MID1: variants seen among roughly 807,000 people sequenced by gnomAD.
The protein encoded by MID1 is E3 ubiquitin-protein ligase Midline-1.
MID1 carries 7 observed loss-of-function variants against 40.4 expected under a neutral mutation model. That is an observed-to-expected ratio of 0.17 (90% confidence interval 0.10 to 0.33). MID1 has a LOEUF of 0.33. Ranked by LOEUF, MID1 falls within the 10% of genes least tolerant of loss-of-function variation. The probability of loss-of-function intolerance (pLI) is 1.00; values close to 1 mark genes in which losing one functional copy is unlikely to be tolerated. For missense variants in MID1, 367 were observed against 558.5 expected, an observed-to-expected ratio of 0.66 and a Z score of 3.46; for synonymous variants, 229 against 221.2, an observed-to-expected ratio of 1.04 and a Z score of -0.31.
At chrX:10,683,380 C>T (rs2043071986) in intron 1 of MID1, among the ~76,000 whole-genome samples, 1 of 110,311 alleles carries the variant, frequency 9.1e-6, no homozygotes, top group Non-Finnish European at 1.9e-5. Flanking sequence ...CCTGTCTCTA[C>T]AAAAAAGTTT....
intron 1 of MID1, among the ~76,000 whole-genome samples, chrX:10,579,732 C>T (rs1244376269): frequency 9.1e-6 from 1 of 110,377 alleles, no homozygotes; most frequent in African/African-American, 3.3e-5. Context: ...TTAACTATTA[C>T]GAATAACATG....
chrX:10,458,560 C>G, intron 8 of MID1, among the ~76,000 whole-genome samples: 1 of 111,694 alleles, frequency 9.0e-6, no homozygotes. Context: ...GTGTACAGAA[C>G]TCTCTGTATT....
chrX:10,557,353 C>T (rs1189058978), intron 2 of MID1, among the ~76,000 whole-genome samples: 3 of 111,808 alleles, frequency 2.7e-5, no homozygotes, highest in East Asian at 2.8e-4. Context: ...TAAAAATTAC[C>T]GTAAAATCAT....
intron 1 of MID1, among the ~76,000 whole-genome samples, chrX:10,672,077 T>C (rs1043059286): frequency 1.8e-5 from 2 of 110,372 alleles, no homozygotes; most frequent in Non-Finnish European, 3.8e-5. Context: ...ATACAAAAAT[T>C]AGCTGAGCGT....
chrX:10,596,470 TAC>T (rs1339233371), intron 1 of MID1, among the ~76,000 whole-genome samples: 1 of 112,207 alleles, frequency 8.9e-6, no homozygotes, highest in Non-Finnish European at 1.9e-5. Flanking sequence ...TTTTAAAACA[TAC>T]AACAGTTCCA....
intron 2 of MID1, among the ~76,000 whole-genome samples, chrX:10,545,894 T>A (rs1024371351): frequency 8.9e-6 from 1 of 112,277 alleles, no homozygotes; most frequent in African/African-American, 3.2e-5. Context: ...GTTTTTTTTC[T>A]CCTTTAGCTC....
intron 4 of MID1, among the ~76,000 whole-genome samples, chrX:10,488,308 T>C (rs1930736200): frequency 9.0e-6 from 1 of 111,225 alleles, no homozygotes; most frequent in African/African-American, 3.3e-5. Context: ...TGTATGGACA[T>C]AGCTTTCCTT....
At chrX:10,483,121 T>G (rs1358341651) in intron 4 of MID1, among the ~76,000 whole-genome samples, 2 of 112,266 alleles carry the variant, frequency 1.8e-5, no homozygotes, top group Non-Finnish European at 3.8e-5. Flanking sequence ...ATGGAAAGCA[T>G]TAAGTGTTAC....
intron 5 of MID1, among the ~76,000 whole-genome samples, chrX:10,480,528 C>T (rs1366891377): frequency 1.8e-5 from 2 of 112,208 alleles, no homozygotes; most frequent in Non-Finnish European, 1.9e-5. Context: ...GGTTGGAAAC[C>T]GTGACCTAAG....
At chrX:10,465,214 TACACACACACACACACACACACAC>T (rs775197915) in intron 7 of MID1, among the ~76,000 whole-genome samples, 7 of 39,899 alleles carry the variant, frequency 1.8e-4, no homozygotes, top group Non-Finnish European at 2.9e-4. Flanking sequence ...TATATATATA[TACACACACACACACACACACACAC>T]ACACACACAC....
intron 1 of MID1, among the ~76,000 whole-genome samples, chrX:10,675,460 T>C (rs923862447): frequency 9.0e-6 from 1 of 111,060 alleles, no homozygotes; most frequent in African/African-American, 3.3e-5. Context: ...GCTTCTGGAC[T>C]TGTCCATCAC....
chrX:10,793,571 A>G (rs2043948044), intron 1 of MID1, among the ~76,000 whole-genome samples: 1 of 111,945 alleles, frequency 8.9e-6, no homozygotes. Context: ...CACATTTGCC[A>G]GAGAGATCTA....
At chrX:10,538,096 C>G (rs986834652) in intron 2 of MID1, among the ~76,000 whole-genome samples, 13 of 111,360 alleles carry the variant, frequency 1.2e-4, no homozygotes, top group African/African-American at 4.2e-4. Context: ...CTCAGCCTCC[C>G]CAAGTAGCTG....
At position 10,567,131 on chromosome X, in the gene MID1, T is replaced by C. The variant is rs1335960901; in HGVS notation, c.417A>G (p.Val139=). ...DAVKTCVTCE[V]SYCDECLKAT... ...CTTTCAGGCACTCGTCACAGTAGGA[T>C]ACTTCACAAGTGACACAGGTCTTCA... Residue 139 remains valine (V), a synonymous_variant, in exon 2 of 10, where the codon GTA becomes GTG. Transcript: ENST00000317552. 4.1e-6 allele frequency: 5 copies of C among 1,211,461 alleles called. No homozygotes were observed. In the East Asian group the frequency reaches 8.9e-5, roughly 21 times the overall value.
intron 1 of MID1, among the ~76,000 whole-genome samples, chrX:10,759,181 T>C (rs1278876618): frequency 8.9e-6 from 1 of 112,190 alleles, no homozygotes; most frequent in East Asian, 2.8e-4. Flanking sequence ...TGGAGATTTG[T>C]GATAAGATAT....
chrX:10,666,406 C>CAAAAAAAAAAAAAAA (rs33938561), intron 1 of MID1, among the ~76,000 whole-genome samples: 3 of 68,852 alleles, frequency 4.4e-5, no homozygotes, highest in African/African-American at 5.3e-5. Context: ...TGATAAACTG[C>CAAAAAAAAAAAAAAA]AAAAAAAAAA....
At chrX:10,585,192 C>T (rs1935112487) in intron 1 of MID1, among the ~76,000 whole-genome samples, 1 of 111,277 alleles carries the variant, frequency 9.0e-6, no homozygotes, top group Admixed American at 9.5e-5. Context: ...TTGCTAGGCG[C>T]CGGGCTACCT....
chrX:10,761,834 C>T (rs2043680561), intron 1 of MID1, among the ~76,000 whole-genome samples: 3 of 111,948 alleles, frequency 2.7e-5, no homozygotes, highest in Admixed American at 1.9e-4. Context: ...AGCATTAAGT[C>T]GCCATCAGGT....
At chrX:10,735,274 G>A (rs2147105573) in intron 1 of MID1, among the ~76,000 whole-genome samples, 1 of 111,302 alleles carries the variant, frequency 9.0e-6, no homozygotes, top group African/African-American at 3.3e-5. Context: ...AGCTAATTTT[G>A]TATTTTTAGT....
Sources: gnomAD v4.1 joint callset for allele counts (sites outside exome capture counted in the v4.1 genomes callset) on GRCh38, gnomAD v4.1.1 for gene constraint, MANE v1.5 for transcripts, NCBI Gene and HGNC (gene_info 2026-07-23, HGNC 2026-07-21) for gene names.